SORCS2: variants seen among roughly 807,000 people sequenced by gnomAD.
The protein encoded by SORCS2 is sortilin related VPS10 domain containing receptor 2.
SORCS2 carries 100 observed loss-of-function variants against 141.6 expected under a neutral mutation model. The ratio of observed to expected loss-of-function variants is 0.71; its 90% CI spans 0.60 to 0.83. SORCS2 has a LOEUF of 0.83. Ranked by LOEUF, SORCS2 falls within the 40% of genes least tolerant of loss-of-function variation. The pLI is 0.00. For synonymous variants in SORCS2, 789 were observed against 676.9 expected (o/e 1.17, Z -2.57); for missense variants, 1,646 against 1,560.2 (o/e 1.05, Z -0.93).
At chr4:7,394,717 T>A (rs913201233) in intron 1 of SORCS2, among the ~76,000 whole-genome samples, 1 of 151,972 alleles carries the variant, frequency 6.6e-6, no homozygotes, top group Non-Finnish European at 1.5e-5. Flanking sequence ...GACGGGGATG[T>A]GAAGCCAGCC....
chr4:7,192,657 G>C lies in SORCS2; in HGVS notation c.11G>C (p.Arg4Pro). The change falls in exon 1 of 27, where the codon CGG (arginine) becomes CCG (proline). Residue 4 changes from arginine (R) to proline (P), a missense_variant. Physicochemically the swap from Arg to Pro is moderately radical, Grantham distance 103. Transcript: ENST00000507866. The surrounding 1 kb of genome is among the most constrained non-coding windows in gnomAD (Gnocchi z 4.0). ...CCGCCCCTGGCGACCATGGCGCACC[G>C]GGGGCCCTCGCGCGCCTCGAAGGGC... MAH[R>P]GPSRASKGPG... 1.0e-6 allele frequency: 1 copy of C among 987,080 alleles called. No homozygotes were observed. The allele number at this position is 987,080 out of a possible 1,614,324, so 61.1% of individuals were successfully genotyped here.
intron 1 of SORCS2, among the ~76,000 whole-genome samples, chr4:7,310,152 G>A (rs994289772): frequency 2.6e-5 from 4 of 152,222 alleles, no homozygotes; most frequent in Admixed American, 6.5e-5. Flanking sequence ...ATGCTTGTGC[G>A]TGGAGAGCTG....
intron 22 of SORCS2, among the ~76,000 whole-genome samples, chr4:7,728,943 A>G (rs1727414977): frequency 6.6e-6 from 1 of 152,226 alleles, no homozygotes; most frequent in Non-Finnish European, 1.5e-5. Context: ...AGAGAGGACC[A>G]GTCCTCTGGA....
At chr4:7,378,742 C>T (rs1722812584) in intron 1 of SORCS2, among the ~76,000 whole-genome samples, 1 of 152,314 alleles carries the variant, frequency 6.6e-6, no homozygotes, top group South Asian at 2.1e-4. Context: ...CATGTGTCAT[C>T]CCTGAGGCAT....
At chr4:7,263,643 G>A (rs985798932) in intron 1 of SORCS2, among the ~76,000 whole-genome samples, 3 of 152,230 alleles carry the variant, frequency 2.0e-5, no homozygotes, top group African/African-American at 7.2e-5. Flanking sequence ...GGTCTCTGCT[G>A]CCTGTATGTC....
At chr4:7,463,812 TACTGATGCGTGCCGG>T in intron 2 of SORCS2, among the ~76,000 whole-genome samples, 1 of 152,288 alleles carries the variant, frequency 6.6e-6, no homozygotes, top group African/African-American at 2.4e-5. Context: ...GCCGCCTACA[TACTGATGCGTGCCGG>T]ACTGGTGTGG....
intron 1 of SORCS2, among the ~76,000 whole-genome samples, chr4:7,216,083 G>A (rs995344574): frequency 2.0e-5 from 3 of 152,140 alleles, no homozygotes; most frequent in South Asian, 2.1e-4. Flanking sequence ...CACTCACCAC[G>A]AAGGTCTGCA....
chr4:7,723,757 G>A lies in SORCS2; in HGVS notation c.2485G>A (p.Val829Met), dbSNP rs371728739. The A allele has an allele frequency of 3.7e-5, 60 of 1,613,878 alleles. No homozygotes were observed. Among genetic ancestry groups the A allele is most frequent in the East Asian group, 4.5e-5 (2 of 44,898 alleles). The part of the protein sequence containing the change: ...DLGDGFKAMY[V>M]NLTLTGEPIR... Reference sequence around the variant, plus strand: ...TGGGGACGGCTTCAAGGCCATGTACGTGAACCTTACACTGACCGGGGAGCC... The same window carrying A: ...TGGGGACGGCTTCAAGGCCATGTACATGAACCTTACACTGACCGGGGAGCC... Residue 829 changes from valine (V) to methionine (M), a missense_variant, in exon 19 of 27, where the codon GTG becomes ATG. Coordinates refer to ENST00000507866, the MANE Select transcript of SORCS2 (RefSeq NM_020777.3).
chr4:7,373,478 A>ATATATATATATATATTT (rs1470691140), intron 1 of SORCS2, among the ~76,000 whole-genome samples: 3 of 36,818 alleles, frequency 8.1e-5, no homozygotes, highest in African/African-American at 3.2e-4. Flanking sequence ...ATATATATAT[A>ATATATATATATATATTT]TTTTTTTTTT....
At chr4:7,225,229 C>G (rs1252724693) in intron 1 of SORCS2, among the ~76,000 whole-genome samples, 1 of 152,180 alleles carries the variant, frequency 6.6e-6, no homozygotes, top group Non-Finnish European at 1.5e-5. Flanking sequence ...ATGGTGGGAA[C>G]TGTGGGTACT....
At chr4:7,417,266 C>T (rs1725762018) in intron 2 of SORCS2, among the ~76,000 whole-genome samples, 1 of 152,048 alleles carries the variant, frequency 6.6e-6, no homozygotes, top group Non-Finnish European at 1.5e-5. Flanking sequence ...TTATAAGGGT[C>T]CTTGTGGAGT....
chr4:7,287,755 C>T (rs748791203), intron 1 of SORCS2, among the ~76,000 whole-genome samples: 3 of 152,192 alleles, frequency 2.0e-5, no homozygotes, highest in African/African-American at 4.8e-5. Context: ...GTATTGATCC[C>T]GTGCTGTGGG....
At chr4:7,232,547 C>T (rs1711969364) in intron 1 of SORCS2, among the ~76,000 whole-genome samples, 1 of 152,206 alleles carries the variant, frequency 6.6e-6, no homozygotes, top group South Asian at 2.1e-4. Context: ...TCTTAATTCG[C>T]TTTCCTGCCA....
intron 2 of SORCS2, among the ~76,000 whole-genome samples, chr4:7,478,532 G>C (rs1006760080): frequency 6.6e-6 from 1 of 152,106 alleles, no homozygotes; most frequent in Non-Finnish European, 1.5e-5. Flanking sequence ...GGTAGAGTCT[G>C]TCATGTTCTC....
Position 7,338,085 on chromosome 4 carries a change from C to T in SORCS2, c.481-58203C>T, listed in dbSNP as rs200790605. On this transcript the variant is annotated intron_variant, in intron 1 of 26. Coordinates refer to ENST00000507866, the MANE Select transcript of SORCS2 (RefSeq NM_020777.3). ...CTGGCACCTAGAAGATGTTGGCTGG[C>T]TGGCTGGATGGATGTTGGATGGATG... Among the ~76,000 whole-genome samples the T allele has an allele frequency of 8.1e-3, 1,103 of 135,998 alleles. 7 individuals carry two copies. Among genetic ancestry groups the T allele is most frequent in the Non-Finnish European group, 0.014 (877 of 62,682 alleles). The allele number at this position is 135,998 out of a possible 152,430, so 89.2% of individuals were successfully genotyped here.
chr4:7,697,265 C>G lies in SORCS2; in HGVS notation c.1659C>G (p.Thr553=), dbSNP rs1372326876. ...ACATCACGTCAGACTGTGGTCACAC[C>G]TGGCGGCAGGTAAGCTGGCTGGGAG... ...EMYITSDCGH[T]WRQVFEEEHH... is the part of the protein sequence containing the mutation. The change falls in exon 12 of 27, where the codon ACC becomes ACG. Residue 553 remains threonine (T), a synonymous_variant. Transcript: ENST00000507866. 3.2e-6 allele frequency: 5 copies of G among 1,586,972 alleles called. No homozygotes were observed. Among genetic ancestry groups the G allele is most frequent in the Non-Finnish European group, 4.3e-6 (5 of 1,167,098 alleles).
chr4:7,420,281 C>T lies in SORCS2; in HGVS notation c.548+23926C>T, dbSNP rs888685949. On this transcript the variant is annotated intron_variant, in intron 2 of 26. Coordinates refer to ENST00000507866, the MANE Select transcript of SORCS2 (RefSeq NM_020777.3). ...TTGAGTGTCAAGCAGGCTCTCCCAT[C>T]TCCCATCTAGGGCTCTCTGGGCCTC... Among the ~76,000 whole-genome samples, 12 of 152,358 alleles carry T rather than the reference C, an allele frequency of 7.9e-5. No individual in the cohort carries two copies. In the South Asian group the frequency reaches 1.0e-3, roughly 13 times the overall value.
intron 1 of SORCS2, among the ~76,000 whole-genome samples, chr4:7,312,818 T>C (rs1045313222): frequency 2.6e-4 from 40 of 152,256 alleles, no homozygotes; most frequent in African/African-American, 8.9e-4. Flanking sequence ...CTGAGCTGGC[T>C]GCTCTGCAGG....
chr4:7,437,295 T>G (rs1727372708), intron 2 of SORCS2, among the ~76,000 whole-genome samples: 1 of 152,172 alleles, frequency 6.6e-6, no homozygotes, highest in Non-Finnish European at 1.5e-5. Flanking sequence ...TTACATTTCT[T>G]ATTTATCATG....
Sources: allele counts gnomAD v4.1 joint callset (sites outside exome capture counted in the v4.1 genomes callset), GRCh38; gene constraint gnomAD v4.1.1; non-coding constraint Gnocchi (gnomAD v3.1); transcripts MANE v1.5; gene names NCBI Gene and HGNC (gene_info 2026-07-23, HGNC 2026-07-21).